CMSS1: variants seen among roughly 807,000 people sequenced by gnomAD.
CMSS1 encodes the protein cms1 ribosomal small subunit homolog.
Under a neutral mutation model 43.5 loss-of-function variants are expected in CMSS1, and 33 were observed. That is an observed-to-expected ratio of 0.76 (90% CI 0.57 to 1.01). CMSS1 has a LOEUF of 1.01. CMSS1 is among the 50% of genes least tolerant of loss of function. The pLI is 0.00. For synonymous variants in CMSS1, 115 were observed against 117.2 expected, an observed-to-expected ratio of 0.98 and a Z score of 0.12; for missense variants, 313 against 326.4, an observed-to-expected ratio of 0.96 and a Z score of 0.32.
At chr3:100,112,052 A>G (rs186507630) in intron 1 of CMSS1, among the ~76,000 whole-genome samples, 84 of 152,288 alleles carry the variant, frequency 5.5e-4, no homozygotes, top group Non-Finnish European at 1.0e-3. Flanking sequence ...TAGGCATTCT[A>G]AAATAGTTGA....
chr3:100,054,657 C>A (rs1166870937), intron 1 of CMSS1, among the ~76,000 whole-genome samples: 1 of 152,056 alleles, frequency 6.6e-6, no homozygotes, highest in Non-Finnish European at 1.5e-5. Flanking sequence ...AGAAACCATG[C>A]TGGACAACTG....
At chr3:100,165,699 A>T (rs983486361) in intron 4 of CMSS1, among the ~76,000 whole-genome samples, 24 of 152,318 alleles carry the variant, frequency 1.6e-4, no homozygotes, top group African/African-American at 5.5e-4. Context: ...TATCACAAAT[A>T]ATGTCAGGAT....
chr3:100,064,915 CA>C (rs1185915795), intron 1 of CMSS1, among the ~76,000 whole-genome samples: 4 of 152,170 alleles, frequency 2.6e-5, no homozygotes, highest in Admixed American at 2.6e-4. Context: ...GACTAACAAA[CA>C]TGTATTGCTG....
At chr3:99,832,430 C>T (rs1224380349) in intron 1 of CMSS1, among the ~76,000 whole-genome samples, 3 of 149,556 alleles carry the variant, frequency 2.0e-5, no homozygotes, top group African/African-American at 7.3e-5. Context: ...CGGGGTTTCA[C>T]TGTGTTAGCC....
chr3:100,151,250 A>G (rs562659146), intron 2 of CMSS1, among the ~76,000 whole-genome samples: 8 of 152,288 alleles, frequency 5.3e-5, no homozygotes, highest in Non-Finnish European at 8.8e-5. Flanking sequence ...GTATTAATCT[A>G]TTGTTTCATT....
chr3:100,044,353 G>A (rs2065248255), intron 1 of CMSS1, among the ~76,000 whole-genome samples: 1 of 151,826 alleles, frequency 6.6e-6, no homozygotes. Flanking sequence ...TTACATCATA[G>A]TATAAAGAAG....
chr3:100,118,661 G>A (rs758870892), intron 1 of CMSS1, among the ~76,000 whole-genome samples: 2 of 152,046 alleles, frequency 1.3e-5, no homozygotes, highest in African/African-American at 2.4e-5. Flanking sequence ...AAGCTTCCTT[G>A]GGTCCATGGA....
chr3:99,881,328 G>T (rs1705720079), intron 1 of CMSS1, among the ~76,000 whole-genome samples: 1 of 151,922 alleles, frequency 6.6e-6, no homozygotes, highest in Admixed American at 6.6e-5. Context: ...TGTTTCCTTG[G>T]TAACTAATAA....
intron 1 of CMSS1, among the ~76,000 whole-genome samples, chr3:100,044,876 A>C (rs1217982088): frequency 6.6e-6 from 1 of 152,194 alleles, no homozygotes; most frequent in East Asian, 1.9e-4. Context: ...AGCTGACAGG[A>C]CTAGTGGCTC....
intron 1 of CMSS1, among the ~76,000 whole-genome samples, chr3:99,874,022 A>G (rs983068124): frequency 4.6e-5 from 7 of 152,246 alleles, no homozygotes; most frequent in Non-Finnish European, 1.0e-4. Flanking sequence ...CCAGTGTGAG[A>G]TAGGGTATCC....
chr3:99,901,891 C>T (rs1706449554), intron 1 of CMSS1, among the ~76,000 whole-genome samples: 1 of 151,984 alleles, frequency 6.6e-6, no homozygotes, highest in South Asian at 2.1e-4. Flanking sequence ...TGCCTTGTCC[C>T]TAGTAGAGCT....
At chr3:100,014,895 C>CTTTTTTTTTTTTTTTTTTT (rs1233573719) in intron 1 of CMSS1, among the ~76,000 whole-genome samples, 5 of 25,006 alleles carry the variant, frequency 2.0e-4, no homozygotes, top group African/African-American at 3.5e-4. Context: ...TTCTTTCTTT[C>CTTTTTTTTTTTTTTTTTTT]TTTTTTTTTT....
At chr3:100,111,800 A>G (rs996790307) in intron 1 of CMSS1, among the ~76,000 whole-genome samples, 1 of 152,224 alleles carries the variant, frequency 6.6e-6, no homozygotes, top group African/African-American at 2.4e-5. Context: ...CAAAATGTCA[A>G]CATCCCTCAA....
intron 2 of CMSS1, among the ~76,000 whole-genome samples, chr3:100,157,553 C>A (rs933139906): frequency 6.6e-6 from 1 of 152,150 alleles, no homozygotes; most frequent in East Asian, 1.9e-4. Flanking sequence ...TATGGAACTC[C>A]CAAACGTCAC....
intron 1 of CMSS1, among the ~76,000 whole-genome samples, chr3:99,845,303 C>T (rs999003159): frequency 1.3e-5 from 2 of 152,066 alleles, no homozygotes; most frequent in African/African-American, 4.8e-5. Flanking sequence ...TAAAATCATT[C>T]GAATCTGTGA....
intron 1 of CMSS1, among the ~76,000 whole-genome samples, chr3:99,945,853 C>T (rs1707992025): frequency 6.6e-6 from 1 of 152,322 alleles, no homozygotes; most frequent in South Asian, 2.1e-4. Context: ...GTTCCCACCT[C>T]TTATGCGAAA....
intron 8 of CMSS1, among the ~76,000 whole-genome samples, chr3:100,176,061 T>G (rs1370016068): frequency 6.6e-6 from 1 of 152,202 alleles, no homozygotes; most frequent in Non-Finnish European, 1.5e-5. Flanking sequence ...AATGGATGCC[T>G]GGCCAGCGTG....
At chr3:99,971,160 AC>A (rs1486781287) in intron 1 of CMSS1, among the ~76,000 whole-genome samples, 2 of 152,184 alleles carry the variant, frequency 1.3e-5, no homozygotes, top group East Asian at 1.9e-4. Flanking sequence ...ACATGGTGAA[AC>A]CCCGTCTCTA....
At chr3:100,039,072 T>G (rs2065158125) in intron 1 of CMSS1, among the ~76,000 whole-genome samples, 1 of 152,204 alleles carries the variant, frequency 6.6e-6, no homozygotes, top group Non-Finnish European at 1.5e-5. Context: ...ACTCCTAAAT[T>G]TAATGCTTAT....
Sources: gnomAD v4.1 joint callset for allele counts (sites outside exome capture counted in the v4.1 genomes callset) on GRCh38, gnomAD v4.1.1 for gene constraint, MANE v1.5 for transcripts, NCBI Gene and HGNC (gene_info 2026-07-23, HGNC 2026-07-21) for gene names.